Variants in CUX1 observed in about 807,000 individuals in gnomAD.
CUX1 encodes the protein protein CASP.
In CUX1, 31 loss-of-function variants were observed where a neutral mutation model predicts 158.8. The ratio of observed to expected loss-of-function variants is 0.20; its 90% CI spans 0.15 to 0.26. CUX1 has a LOEUF of 0.26. Among genes scored for constraint, CUX1 ranks in the 10% least tolerant of loss-of-function variants. The pLI is 1.00. For synonymous variants in CUX1, 879 were observed against 862.1 expected, an observed-to-expected ratio of 1.02 and a Z score of -0.34; for missense variants, 1,589 against 2,014.6, an observed-to-expected ratio of 0.79 and a Z score of 4.04.
chr7:102,214,135 A>T (rs1276733784), intron 20 of CUX1, among the ~76,000 whole-genome samples: 1 of 151,762 alleles, frequency 6.6e-6, no homozygotes, highest in Non-Finnish European at 1.5e-5. Context: ...TTCATCTCAA[A>T]AATAATAATA....
intron 23 of CUX1, among the ~76,000 whole-genome samples, chr7:102,246,817 G>A (rs1433503141): frequency 3.3e-5 from 5 of 152,262 alleles, no homozygotes; most frequent in Admixed American, 1.3e-4. Context: ...CCATCTGCCC[G>A]CCTCAGCCTC....
At chr7:102,242,766 G>C (rs1554535410) in intron 23 of CUX1, among the ~76,000 whole-genome samples, 1 of 152,166 alleles carries the variant, frequency 6.6e-6, no homozygotes, top group African/African-American at 2.4e-5. Flanking sequence ...CCCCTGGCCA[G>C]GGTACACACC....
At chr7:101,921,440 T>TTTTA (rs61205066) in intron 2 of CUX1, among the ~76,000 whole-genome samples, 2,041 of 150,068 alleles carry the variant, frequency 0.014, 44 homozygotes, top group African/African-American at 0.04. Flanking sequence ...TTTTATTTTA[T>TTTTA]TTTATTTATT....
chr7:102,164,829 C>T (rs1554508203), intron 9 of CUX1, among the ~76,000 whole-genome samples: 2 of 152,134 alleles, frequency 1.3e-5, no homozygotes, highest in South Asian at 2.1e-4. Context: ...ACTTGCTCAT[C>T]TCTGGTGTCC....
In CUX1 at chr7:102,154,569, C is replaced by T. The variant is rs527621315; in HGVS notation, c.675-3991C>T. 7 of 151,772 alleles carry T rather than the reference C, an allele frequency of 4.6e-5. No homozygotes were observed. In the East Asian group the frequency reaches 7.7e-4, roughly 17 times the overall value. The allele number at this position is 151,772 out of a possible 1,614,324, so 9.4% of individuals were successfully genotyped here. On this transcript the variant is annotated intron_variant, in intron 8 of 23. Coordinates refer to ENST00000292535, the MANE Select transcript of CUX1 (RefSeq NM_181552.4). ...CCAGGAGACTGAGGCTGCCTTGAGTCGTGATCACACCACTGTACTCCAGCT... is the reference window on the plus strand; with the variant it reads ...CCAGGAGACTGAGGCTGCCTTGAGTTGTGATCACACCACTGTACTCCAGCT...
chr7:102,097,596 C>T, intron 5 of CUX1, 95 bp downstream of exon 5: 7 of 1,310,230 alleles, frequency 5.3e-6, no homozygotes, highest in Non-Finnish European at 7.3e-6. Flanking sequence ...GAGACCAGCT[C>T]TCCTTGTAAT....
chr7:102,242,998 G>A (rs973945033), intron 23 of CUX1, among the ~76,000 whole-genome samples: 26 of 152,334 alleles, frequency 1.7e-4, no homozygotes, highest in African/African-American at 6.3e-4. Flanking sequence ...TCTGGGCTGG[G>A]TGTGGTAGCT....
chr7:102,132,889 G>A (rs1274653540), intron 8 of CUX1, among the ~76,000 whole-genome samples: 5 of 151,482 alleles, frequency 3.3e-5, no homozygotes, highest in African/African-American at 7.3e-5. Flanking sequence ...CAGGCTGGTC[G>A]CAAACTCCTG....
intron 2 of CUX1, among the ~76,000 whole-genome samples, chr7:101,972,046 A>C (rs1242846214): frequency 6.6e-6 from 1 of 152,200 alleles, no homozygotes; most frequent in Non-Finnish European, 1.5e-5. Flanking sequence ...GGCTCACTGC[A>C]AGCTCCGCCT....
chr7:101,842,460 T>C (rs1458360377), intron 1 of CUX1, among the ~76,000 whole-genome samples: 1 of 152,246 alleles, frequency 6.6e-6, no homozygotes, highest in Non-Finnish European at 1.5e-5. Context: ...TGATCTCTGC[T>C]CACTGCAACC....
intron 10 of CUX1, among the ~76,000 whole-genome samples, chr7:102,174,275 T>C (rs905290137): frequency 6.6e-6 from 1 of 152,134 alleles, no homozygotes; most frequent in African/African-American, 2.4e-5. Flanking sequence ...TGCGCCACCA[T>C]ACCTGGCTAG....
chr7:102,101,868 C>T (rs1164461291), intron 5 of CUX1, among the ~76,000 whole-genome samples: 1 of 151,056 alleles, frequency 6.6e-6, no homozygotes, highest in East Asian at 1.9e-4. Flanking sequence ...GCCGAGATTG[C>T]GCCACTGCAC....
chr7:101,987,832 CATG>C (rs1814530981), intron 2 of CUX1, among the ~76,000 whole-genome samples: 1 of 152,254 alleles, frequency 6.6e-6, no homozygotes, highest in Admixed American at 6.5e-5. Context: ...AACAAATACA[CATG>C]ATTTTTCATC....
chr7:102,071,690 C>T (rs899974223), intron 4 of CUX1, among the ~76,000 whole-genome samples: 1 of 152,168 alleles, frequency 6.6e-6, no homozygotes, highest in Non-Finnish European at 1.5e-5. Context: ...TGATTCAGGT[C>T]TACCACGGGC....
At chr7:102,259,906 G>A (rs555654906), downstream of CUX1, among the ~76,000 whole-genome samples, 79 of 151,824 alleles carry the variant, frequency 5.2e-4, no homozygotes, top group Non-Finnish European at 7.9e-4. Context: ...GACCAGCCTG[G>A]GCAACATAGT....
intron 2 of CUX1, among the ~76,000 whole-genome samples, chr7:101,929,663 T>G (rs1806068608): frequency 1.3e-5 from 2 of 152,124 alleles, no homozygotes. Context: ...TTATGCTAAG[T>G]GCATGACCAT....
chr7:102,120,978 G>T (rs142005782), intron 8 of CUX1, among the ~76,000 whole-genome samples: 14 of 152,224 alleles, frequency 9.2e-5, no homozygotes, highest in Non-Finnish European at 1.9e-4. Flanking sequence ...TGGAAGGTTC[G>T]CTTGAGCCTG....
chr7:101,914,779 G>T (rs1210869840), intron 1 of CUX1, among the ~76,000 whole-genome samples: 1 of 152,088 alleles, frequency 6.6e-6, no homozygotes, highest in South Asian at 2.1e-4. Flanking sequence ...GATTACAGGC[G>T]TGAGCCACCT....
At position 101,981,570 on chromosome 7, in the gene CUX1, G is replaced by T. The variant is rs182302604; in HGVS notation, c.142-46528G>T. Among the ~76,000 whole-genome samples, 22 of 151,932 alleles carry T rather than the reference G, an allele frequency of 1.4e-4. No homozygotes were observed. In the East Asian group the frequency reaches 3.9e-3, roughly 27 times the overall value. On this transcript the variant is annotated intron_variant, in intron 2 of 23. Transcript: ENST00000292535. ...ATGATATCCCAGGCATTCCCCAGTG[G>T]TGTTTGAATCGTGAATGCAAATGTC...
Sources: allele counts gnomAD v4.1 joint callset (sites outside exome capture counted in the v4.1 genomes callset), GRCh38; gene constraint gnomAD v4.1.1; transcripts MANE v1.5; gene names NCBI Gene and HGNC (gene_info 2026-07-23, HGNC 2026-07-21).